The following FLNC variants were observed in gnomAD, a reference collection of about 807,000 sequenced individuals.
The protein encoded by FLNC is filamin-C.
In FLNC, 91 loss-of-function variants were observed where a neutral mutation model predicts 254.3. That is an observed-to-expected ratio of 0.36 (90% confidence interval 0.30 to 0.43). The LOEUF (loss-of-function observed/expected upper bound fraction) is 0.43, where lower values mean the gene tolerates loss of function less well. FLNC is among the 20% of genes least tolerant of loss of function. The probability of loss-of-function intolerance (pLI) is 1.00; values close to 1 mark genes in which losing one functional copy is unlikely to be tolerated. For missense variants in FLNC, 2,853 were observed against 3,802.6 expected (o/e 0.75, Z 6.57); for synonymous variants, 1,430 against 1,577.2 (o/e 0.91, Z 2.21).
At chr7:128,834,195 A>G (rs933905646) in intron 1 of FLNC, among the ~76,000 whole-genome samples, 1 of 152,160 alleles carries the variant, frequency 6.6e-6, no homozygotes, top group African/African-American at 2.4e-5. Context: ...GGAAGCTGAT[A>G]GATTTCAGAA....
rs1437466169 is a variant in FLNC at position 128,850,024 on chromosome 7, C to A, written c.5248C>A (p.Leu1750Met). ...HEEEPSEVPQ[L>M]RQPYAPPRPG... The stretch of plus-strand genomic sequence containing the variant: ...GGAGGAGCCCTCTGAAGTGCCACAG[C>A]TGCGCCAGCCCTACGCTCCTCCCCG... The change falls in exon 31 of 48, where the codon CTG becomes ATG. Residue 1750 changes from leucine (L) to methionine (M), a missense_variant. Leu to Met is a conservative substitution (Grantham distance 15). Transcript: ENST00000325888. The A allele has an allele frequency of 1.9e-6, 3 of 1,566,422 alleles. No individual in the cohort carries two copies. The highest frequency in any genetic ancestry group is 1.7e-6 in the Non-Finnish European group (2 of 1,161,912).
rs759037244 is a variant in FLNC at position 128,856,097 on chromosome 7, G to T, written c.7252-421G>T. Among the ~76,000 whole-genome samples the T allele has an allele frequency of 3.3e-5, 5 of 152,138 alleles. No homozygotes were observed. The highest frequency in any genetic ancestry group is 7.4e-5 in the Non-Finnish European group (5 of 68,020). ...CCCAGAGCCCTTCTGTGCTTCTTCTGGTCCTCCCTGTTGGTCCACCTTCTC... is the reference window on the plus strand; with the variant it reads ...CCCAGAGCCCTTCTGTGCTTCTTCTTGTCCTCCCTGTTGGTCCACCTTCTC... On this transcript the variant is annotated intron_variant, in intron 43 of 47. Coordinates refer to ENST00000325888, the MANE Select transcript of FLNC (RefSeq NM_001458.5). This position sits in a 1 kb window ranked among gnomAD's most constrained non-coding sequence, Gnocchi z 5.9.
Position 128,838,772 on chromosome 7 carries a change from C to T in FLNC, c.1380C>T (p.Thr460=), listed in dbSNP as rs1808211211. The change falls in exon 8 of 48, where the codon ACC becomes ACT. Residue 460 remains threonine, a synonymous_variant. Coordinates refer to ENST00000325888, the MANE Select transcript of FLNC (RefSeq NM_001458.5). ...VHVAFAGAPI[T]RSPFPVHVSE... ...TGGCCTTTGCGGGTGCCCCCATCAC[C>T]CGCAGTCCCTTCCCTGTCCATGTGT... is the stretch of plus-strand genomic sequence containing the variant. The T allele has an allele frequency of 1.2e-6, 2 of 1,612,866 alleles. No individual in the cohort carries two copies. The highest frequency in any genetic ancestry group is 8.5e-7 in the Non-Finnish European group (1 of 1,180,002).
At position 128,835,264 on chromosome 7, in the gene FLNC, G is replaced by A; in HGVS notation, c.353-62G>A. On this transcript the variant is annotated intron_variant, in intron 1 of 47. Coordinates refer to ENST00000325888, the MANE Select transcript of FLNC (RefSeq NM_001458.5). This position sits in a 1 kb window ranked among gnomAD's most constrained non-coding sequence, Gnocchi z 5.3. ...CCGAGGAGCTGCGCAGGTGAGGGAG[G>A]GTGCTCTGGGGCAGTGGAGGGTGGG... 6.2e-7 allele frequency: 1 copy of A among 1,609,568 alleles called. No homozygotes were observed. The highest frequency in any genetic ancestry group is 8.5e-7 in the Non-Finnish European group (1 of 1,178,746).
At position 128,845,193 on chromosome 7, in the gene FLNC, A is replaced by C. The variant is rs776828181; in HGVS notation, c.3728A>C (p.His1243Pro). ...GTGCCCAAATTCCCCACCCGTGTCC[A>C]TGTGCAGCCTGCGGTCGATACCAGT... The part of the protein sequence containing the change: ...HPVPKFPTRV[H>P]VQPAVDTSGV... Residue 1243 changes from histidine (H) to proline (P), a missense_variant, in exon 21 of 48, where the codon CAT becomes CCT. His to Pro is a moderately conservative substitution (Grantham distance 77, BLOSUM62 -2). Coordinates refer to ENST00000325888, the MANE Select transcript of FLNC (RefSeq NM_001458.5). 12 of 1,613,758 alleles carry C rather than the reference A, an allele frequency of 7.4e-6. No homozygotes were observed. The South Asian group carries it at 9.9e-5, about 13-fold the overall frequency.
chr7:128,849,622 G>T (rs201095098), intron 30 of FLNC, 44 bp downstream of exon 30: 17 of 1,605,438 alleles, frequency 1.1e-5, no homozygotes, highest in Non-Finnish European at 1.4e-5. Flanking sequence ...TGGGGAGGGG[G>T]GCCTGGCCCT....
At chr7:128,832,512 T>TTCCCCTCCCCCTCCCC (rs1449522686) in intron 1 of FLNC, among the ~76,000 whole-genome samples, 1 of 152,210 alleles carries the variant, frequency 6.6e-6, no homozygotes, top group African/African-American at 2.4e-5. Context: ...CCGCTCAGCC[T>TTCCCCTCCCCCTCCCC]TCCCCTCCCC....
Position 128,844,011 on chromosome 7 carries a change from T to A in FLNC, c.2937T>A (p.Ala979=), listed in dbSNP as rs746977392. Reference sequence around the variant, plus strand: ...CACTTGCCCTCCACGCAGAGGTGGCTGTGGGACAGGAACAAGCATTCTCTG... The same window carrying A: ...CACTTGCCCTCCACGCAGAGGTGGCAGTGGGACAGGAACAAGCATTCTCTG... ...IKVQGLNSKV[A]VGQEQAFSVN... Residue 979 remains alanine (A), a synonymous_variant, in exon 20 of 48, where the codon GCT becomes GCA. Coordinates refer to ENST00000325888, the MANE Select transcript of FLNC (RefSeq NM_001458.5). 39 of 1,614,036 alleles carry A rather than the reference T, an allele frequency of 2.4e-5. No individual in the cohort carries two copies. The South Asian group carries it at 2.9e-4, about 12-fold the overall frequency.
chr7:128,841,261 T>C lies in FLNC; in HGVS notation c.1905T>C (p.Pro635=), dbSNP rs1808321646. 6.2e-7 allele frequency: 1 copy of C among 1,614,062 alleles called. No homozygotes were observed. The highest frequency in any genetic ancestry group is 1.1e-5 in the South Asian group (1 of 91,086). ...SCDVRYWPTE[P]GEYAVHVICD... is the part of the protein sequence containing the mutation. Reference sequence around the variant, plus strand: ...ATGTGCGGTACTGGCCCACGGAGCCTGGGGAGTACGCTGTGCACGTCATCT... The same window carrying C: ...ATGTGCGGTACTGGCCCACGGAGCCCGGGGAGTACGCTGTGCACGTCATCT... The change falls in exon 12 of 48, where the codon CCT becomes CCC. Residue 635 remains proline, a synonymous_variant. Transcript: ENST00000325888. This position sits in a 1 kb window ranked among gnomAD's most constrained non-coding sequence, Gnocchi z 4.3.
chr7:128,837,913 G>A (rs774644371), intron 5 of FLNC, 74 bp from the exon 6 acceptor site: 12 of 1,436,570 alleles, frequency 8.4e-6, no homozygotes, highest in Non-Finnish European at 1.2e-5. Flanking sequence ...TGGGGCTGGG[G>A]TGCATAAGGC....
At position 128,841,051 on chromosome 7, in the gene FLNC, A is replaced by G. The variant is rs899798106; in HGVS notation, c.1813+81A>G. The G allele has an allele frequency of 1.5e-5, 23 of 1,565,668 alleles. No individual in the cohort carries two copies. The Admixed American group carries it at 2.1e-4, about 15-fold the overall frequency. On this transcript the variant is annotated intron_variant, in intron 11 of 47. Transcript: ENST00000325888. This position sits in a 1 kb window ranked among gnomAD's most constrained non-coding sequence, Gnocchi z 4.3. Reference sequence around the variant, plus strand: ...ACTGTGGGTAATGGGTGCAGTGCGCATGCTGGGGAGCGCTGGGGTGAGCAG... The same window carrying G: ...ACTGTGGGTAATGGGTGCAGTGCGCGTGCTGGGGAGCGCTGGGGTGAGCAG...
intron 21 of FLNC, 131 bp downstream of exon 21, chr7:128,845,386 C>A: frequency 1.3e-6 from 1 of 775,808 alleles, no homozygotes. Context: ...TCGGAGCAGC[C>A]CCAGAGTCCT....
At chr7:128,840,434 C>T (rs1808281086) in intron 9 of FLNC, 114 bp from the exon 10 acceptor site, 3 of 1,421,216 alleles carry the variant, frequency 2.1e-6, no homozygotes, top group South Asian at 1.2e-5. Context: ...CTGCTCACTA[C>T]AGCACTGCCC....
chr7:128,843,714 A>G (rs1808436964), intron 18 of FLNC, 82 bp from the exon 19 acceptor site: 1 of 1,496,756 alleles, frequency 6.7e-7, no homozygotes, highest in African/African-American at 1.4e-5. Flanking sequence ...GGTGGATCTG[A>G]GCTTCAGAGC....
chr7:128,847,052 A>G, intron 24 of FLNC, 147 bp downstream of exon 24: 2 of 983,798 alleles, frequency 2.0e-6, no homozygotes, highest in Non-Finnish European at 3.0e-6. Flanking sequence ...GCCCGGCCAG[A>G]GGGAGGACGT....
At position 128,841,079 on chromosome 7, in the gene FLNC, A is replaced by C; in HGVS notation, c.1814-91A>C. 6.3e-7 allele frequency: 1 copy of C among 1,575,126 alleles called. No individual in the cohort carries two copies. The highest frequency in any genetic ancestry group is 8.7e-7 in the Non-Finnish European group (1 of 1,150,896). On this transcript the variant is annotated intron_variant, in intron 11 of 47. Transcript: ENST00000325888. The surrounding 1 kb of genome is among the most constrained non-coding windows in gnomAD (Gnocchi z 4.3). ...CTGGGGAGCGCTGGGGTGAGCAGGG[A>C]GATAGGACATGAGGGCAGCTAGAGG...
chr7:128,853,649 G>A (rs372156576), intron 38 of FLNC, 28 bp downstream of exon 38: 58 of 1,613,934 alleles, frequency 3.6e-5, no homozygotes, highest in Admixed American at 2.5e-4. Context: ...GGTCGGTGGC[G>A]AGAGACAGGG....
rs1294281193 is a variant in FLNC, at chr7:128,843,817, A to G, written c.2833A>G (p.Thr945Ala). 4 of 1,614,130 alleles carry G rather than the reference A, an allele frequency of 2.5e-6. No individual in the cohort carries two copies. In the South Asian group the frequency reaches 4.4e-5, roughly 18 times the overall value. ...ACAGGGCAACATGGCAGTGACAGTG[A>G]CTTATGGCGGGGACCCTGTCCCCAA... ...VQQGNMAVTVTYGGDPVPKSP... is the reference protein window; with the variant it reads ...VQQGNMAVTVAYGGDPVPKSP... Residue 945 changes from threonine (T) to alanine (A), a missense_variant, in exon 19 of 48, where the codon ACT becomes GCT. Physicochemically the swap from Thr to Ala is moderately conservative, Grantham distance 58 (BLOSUM62 0). Coordinates refer to ENST00000325888, the MANE Select transcript of FLNC (RefSeq NM_001458.5).
chr7:128,837,458 C>T lies in FLNC; in HGVS notation c.760C>T (p.Leu254=), dbSNP rs1808141451. Residue 254 remains leucine, a synonymous_variant, in exon 4 of 48, where the codon CTG becomes TTG. Coordinates refer to ENST00000325888, the MANE Select transcript of FLNC (RefSeq NM_001458.5). ...GGATGAGCATTCTGTTATGACCTAC[C>T]TGTCCCAGTTCCCCAAGGCCAAGCT... ...NVDEHSVMTY[L]SQFPKAKLKP... The T allele has an allele frequency of 6.2e-7, 1 of 1,614,056 alleles. No individual in the cohort carries two copies. The highest frequency in any genetic ancestry group is 8.5e-7 in the Non-Finnish European group (1 of 1,180,016).
Sources: allele counts gnomAD v4.1 joint callset (sites outside exome capture counted in the v4.1 genomes callset), GRCh38; gene constraint gnomAD v4.1.1; non-coding constraint Gnocchi (gnomAD v3.1); transcripts MANE v1.5; gene names NCBI Gene and HGNC (gene_info 2026-07-23, HGNC 2026-07-21).